The following VPS13B variants were observed in gnomAD, a reference collection of about 807,000 sequenced individuals.
The protein encoded by VPS13B is vacuolar protein sorting 13 homolog B, also known as intermembrane lipid transfer protein VPS13B.
VPS13B carries 285 observed loss-of-function variants against 426.4 expected under a neutral mutation model. The observed-to-expected ratio is 0.67, with a 90% confidence interval of 0.61 to 0.74. The LOEUF is 0.74. Among genes scored for constraint, VPS13B ranks in the 30% least tolerant of loss-of-function variants. VPS13B has a pLI of 0.00. For missense variants in VPS13B, 4,537 were observed against 4,782.6 expected, an observed-to-expected ratio of 0.95 and a Z score of 1.51; for synonymous variants, 1,676 against 1,676.4, an observed-to-expected ratio of 1.00 and a Z score of 0.01.
At chr8:99,530,792 GA>G (rs912480479) in intron 30 of VPS13B, among the ~76,000 whole-genome samples, 7 of 152,064 alleles carry the variant, frequency 4.6e-5, no homozygotes, top group African/African-American at 1.7e-4. Context: ...CTGTATTTTA[GA>G]AATAAAATAT....
chr8:99,648,948 C>T (rs937374355), intron 34 of VPS13B, among the ~76,000 whole-genome samples: 3 of 146,114 alleles, frequency 2.1e-5, no homozygotes, highest in Non-Finnish European at 4.5e-5. Context: ...TCTGCGAGTA[C>T]CTTTTTTTTT....
At position 99,103,012 on chromosome 8, in the gene VPS13B, C is replaced by T; in HGVS notation, c.472C>T (p.Leu158Phe). 1 of 1,612,550 alleles carries T rather than the reference C, an allele frequency of 6.2e-7. No homozygotes were observed. The highest frequency in any genetic ancestry group is 8.5e-7 in the Non-Finnish European group (1 of 1,178,728). Residue 158 changes from leucine (L) to phenylalanine (F), a missense_variant, in exon 5 of 62, where the codon CTC becomes TTC. Transcript: ENST00000357162. The stretch of plus-strand genomic sequence containing the variant: ...TAATGTAAACATTGTGATAAATAAT[C>T]TCATACTAAAATATGTTGAAGATGA... Reference protein sequence around the residue: ...VNNVNIVINNLILKYVEDDIV... With the variant: ...VNNVNIVINNFILKYVEDDIV...
intron 3 of VPS13B, among the ~76,000 whole-genome samples, chr8:99,087,162 C>T (rs542186820): frequency 6.6e-6 from 1 of 152,244 alleles, no homozygotes; most frequent in Non-Finnish European, 1.5e-5. Flanking sequence ...ATGGCGGGCG[C>T]CCCCTCCCCC....
At chr8:99,675,703 C>G (rs986135951) in intron 35 of VPS13B, among the ~76,000 whole-genome samples, 26 of 152,126 alleles carry the variant, frequency 1.7e-4, no homozygotes, top group Admixed American at 4.6e-4. Flanking sequence ...ATTGTTTCTT[C>G]TGCTTGATCA....
intron 19 of VPS13B, among the ~76,000 whole-genome samples, chr8:99,337,039 T>C (rs923566927): frequency 1.3e-5 from 2 of 152,206 alleles, no homozygotes; most frequent in Non-Finnish European, 2.9e-5. Flanking sequence ...TTATAAATCA[T>C]GCTGCTATAG....
intron 56 of VPS13B, 83 bp downstream of exon 56, chr8:99,854,339 C>T (rs1040013160): frequency 2.0e-6 from 3 of 1,471,592 alleles, no homozygotes; most frequent in African/African-American, 2.8e-5. Context: ...CATTTCAAGA[C>T]CTAAAGAAGC....
At chr8:99,447,773 T>A (rs543750684) in intron 23 of VPS13B, among the ~76,000 whole-genome samples, 1 of 152,274 alleles carries the variant, frequency 6.6e-6, no homozygotes, top group East Asian at 1.9e-4. Flanking sequence ...ATAGTCATTT[T>A]TATTTTTTTA....
At chr8:99,233,282 G>A (rs910017676) in intron 17 of VPS13B, 33 of 1,147,258 alleles carry the variant, frequency 2.9e-5, no homozygotes, top group East Asian at 7.0e-5. Context: ...CCAATCACCC[G>A]GCCAGCTGTG....
At chr8:99,084,157 G>T (rs1845637062) in intron 3 of VPS13B, among the ~76,000 whole-genome samples, 1 of 152,282 alleles carries the variant, frequency 6.6e-6, no homozygotes, top group South Asian at 2.1e-4. Context: ...TCTATTCAGA[G>T]ATTCAACTTC....
chr8:99,242,480 T>C (rs771982601), intron 17 of VPS13B, among the ~76,000 whole-genome samples: 4 of 152,232 alleles, frequency 2.6e-5, no homozygotes, highest in Non-Finnish European at 5.9e-5. Context: ...TCATTTTATA[T>C]GTATAGGTTT....
chr8:99,148,054 ATTTTTTT>A, intron 14 of VPS13B, 44 bp downstream of exon 14: 2 of 1,363,840 alleles, frequency 1.5e-6, no homozygotes, highest in African/African-American at 1.6e-5. Context: ...TCATATATGG[ATTTTTTT>A]TTTTTTTTTT....
At chr8:99,099,926 ATCTTGTAGGT>A (rs1370841499) in intron 4 of VPS13B, among the ~76,000 whole-genome samples, 2 of 152,180 alleles carry the variant, frequency 1.3e-5, no homozygotes, top group Non-Finnish European at 2.9e-5. Context: ...CTAATATTAC[ATCTTGTAGGT>A]TCTCATCCTT....
chr8:99,641,700 T>C, intron 33 of VPS13B, 111 bp from the exon 34 acceptor site: 2 of 1,073,020 alleles, frequency 1.9e-6, no homozygotes, highest in South Asian at 1.7e-5. Context: ...TTTTAAGTTA[T>C]ACTAGACTCA....
At chr8:99,822,736 C>T (rs1031217638) in intron 50 of VPS13B, among the ~76,000 whole-genome samples, 3 of 152,026 alleles carry the variant, frequency 2.0e-5, no homozygotes, top group African/African-American at 7.2e-5. Context: ...ATTGAGAACC[C>T]CCAAAGACCT....
In VPS13B at chr8:99,273,126, CA is replaced by C. The variant is rs1818685670; in HGVS notation, c.2516-1068del. 2.0e-5 allele frequency among the ~76,000 whole-genome samples: 3 copies of C among 150,614 alleles called. No individual in the cohort carries two copies. The South Asian group carries it at 6.3e-4, about 32-fold the overall frequency. The stretch of plus-strand genomic sequence containing the variant: ...TTTCTGTTTCCTCATTTCACCTGAC[CA>C]AAATATTTCAGAGAATTTGTTTACT... On this transcript the variant is annotated intron_variant, in intron 17 of 61. Coordinates refer to ENST00000357162, the MANE Select transcript of VPS13B (RefSeq NM_152564.5).
chr8:99,245,353 A>G (rs1303685906), intron 17 of VPS13B, among the ~76,000 whole-genome samples: 1 of 152,220 alleles, frequency 6.6e-6, no homozygotes, highest in African/African-American at 2.4e-5. Flanking sequence ...TTCTGCTACA[A>G]TCCAAACATC....
At chr8:99,449,562 G>A (rs560443860) in intron 23 of VPS13B, among the ~76,000 whole-genome samples, 5 of 152,230 alleles carry the variant, frequency 3.3e-5, no homozygotes, top group African/African-American at 4.8e-5. Flanking sequence ...GGCAGGGAAC[G>A]TAATGTTATG....
chr8:99,687,947 T>G (rs76253531), intron 35 of VPS13B, among the ~76,000 whole-genome samples: 3,903 of 152,054 alleles, frequency 0.026, 226 homozygotes, highest in African/African-American at 0.09. Flanking sequence ...GCCTTGTGAA[T>G]GAACTTCTTG....
intron 36 of VPS13B, among the ~76,000 whole-genome samples, chr8:99,712,775 A>AT (rs1453691153): frequency 6.6e-6 from 1 of 151,554 alleles, no homozygotes; most frequent in African/African-American, 2.4e-5. Context: ...AAAAAAAAAA[A>AT]ATAGGATTTG....
Sources: allele counts gnomAD v4.1 joint callset (sites outside exome capture counted in the v4.1 genomes callset), GRCh38; gene constraint gnomAD v4.1.1; transcripts MANE v1.5; gene names NCBI Gene and HGNC (gene_info 2026-07-23, HGNC 2026-07-21).